Variants in ZNF143 observed in about 807,000 individuals in gnomAD.
The protein encoded by ZNF143 is zinc finger protein 143, also known as SPH-binding factor.
Under a neutral mutation model 74.1 loss-of-function variants are expected in ZNF143, and 49 were observed. The ratio of observed to expected loss-of-function variants is 0.66; its 90% CI spans 0.53 to 0.84. The LOEUF (loss-of-function observed/expected upper bound fraction) is 0.84, where lower values mean the gene tolerates loss of function less well. Ranked by LOEUF, ZNF143 falls within the 40% of genes least tolerant of loss-of-function variation. The probability of loss-of-function intolerance (pLI) is 0.00; values close to 1 mark genes in which losing one functional copy is unlikely to be tolerated. For missense variants in ZNF143, 637 were observed against 793.4 expected (o/e 0.80, Z 2.37); for synonymous variants, 304 against 282.8 (o/e 1.07, Z -0.75).
intron 14 of ZNF143, among the ~76,000 whole-genome samples, chr11:9,517,563 C>T (rs1848767845): frequency 6.6e-6 from 1 of 152,206 alleles, no homozygotes; most frequent in South Asian, 2.1e-4. Flanking sequence ...AGTGCCTCTT[C>T]TCCTTCAGCA....
chr11:9,496,237 G>T, intron 8 of ZNF143, 66 bp from the exon 9 acceptor site: 1 of 1,432,156 alleles, frequency 7.0e-7, no homozygotes, highest in African/African-American at 1.4e-5. Flanking sequence ...AAGTAGTTCT[G>T]TGTTGCAACC....
chr11:9,513,109 T>C (rs748307226), intron 13 of ZNF143, among the ~76,000 whole-genome samples: 1 of 152,218 alleles, frequency 6.6e-6, no homozygotes, highest in Non-Finnish European at 1.5e-5. Context: ...GCCAAACTTG[T>C]TATTATTTTC....
chr11:9,503,245 T>A (rs567020048), intron 11 of ZNF143, among the ~76,000 whole-genome samples: 181 of 152,328 alleles, frequency 1.2e-3, no homozygotes, highest in African/African-American at 3.7e-3. Context: ...TATTCACCAG[T>A]TGTTTTCACT....
Position 9,509,970 on chromosome 11 carries a change from TAAG to T in ZNF143, c.1375+1129_1375+1131del, listed in dbSNP as rs1305999134. Among the ~76,000 whole-genome samples the T allele has an allele frequency of 4.6e-5, 7 of 152,170 alleles. 1 individual carries two copies. Among genetic ancestry groups the T allele is most frequent in the Admixed American group, 4.6e-4 (7 of 15,274 alleles). On this transcript the variant is annotated intron_variant, in intron 12 of 15. Transcript: ENST00000396602. ...CAATTGCTAAGAGAAAGGAAGTAAA[TAAG>T]AAGATCCTACAACAACTGCTGAGTC...
chr11:9,463,087 G>C (rs1344962414), intron 1 of ZNF143, among the ~76,000 whole-genome samples: 2 of 152,010 alleles, frequency 1.3e-5, no homozygotes, highest in Admixed American at 6.6e-5. Context: ...CTTGTCCAGG[G>C]TCATTTATGT....
At chr11:9,478,319 C>A in intron 5 of ZNF143, 71 bp from the exon 6 acceptor site, 1 of 1,515,172 alleles carries the variant, frequency 6.6e-7, no homozygotes, top group Non-Finnish European at 9.0e-7. Flanking sequence ...TCATTTCTCT[C>A]TTCCTTTAAA....
intron 13 of ZNF143, among the ~76,000 whole-genome samples, chr11:9,513,853 A>G (rs1408868279): frequency 2.0e-5 from 3 of 152,032 alleles, no homozygotes; most frequent in African/African-American, 7.3e-5. Flanking sequence ...GTGCCACTAC[A>G]CTCCGGCCTG....
chr11:9,495,680 ATCCTAAGAGTTATC>A (rs1847934159), intron 8 of ZNF143, among the ~76,000 whole-genome samples: 2 of 152,194 alleles, frequency 1.3e-5, no homozygotes, highest in African/African-American at 4.8e-5. Flanking sequence ...ATAAAATTGG[ATCCTAAGAGTTATC>A]TCCCTCTCAG....
chr11:9,497,854 G>C, intron 10 of ZNF143, 54 bp downstream of exon 10: 1 of 1,299,240 alleles, frequency 7.7e-7, no homozygotes, highest in South Asian at 1.4e-5. Flanking sequence ...TTTTTGAGAC[G>C]GAGTCTCGCT....
At chr11:9,467,812 C>T (rs1167554626) in intron 1 of ZNF143, among the ~76,000 whole-genome samples, 1 of 141,310 alleles carries the variant, frequency 7.1e-6, no homozygotes, top group African/African-American at 2.6e-5. Context: ...CCACTGCACT[C>T]TGGCCTGGGC....
intron 14 of ZNF143, among the ~76,000 whole-genome samples, chr11:9,520,076 G>A (rs1044062031): frequency 3.4e-5 from 4 of 118,428 alleles, no homozygotes; most frequent in African/African-American, 1.0e-4. Context: ...TCCCTCTGTC[G>A]CCCAGACTGC....
At chr11:9,512,929 A>G (rs977454281) in intron 13 of ZNF143, among the ~76,000 whole-genome samples, 13 of 152,216 alleles carry the variant, frequency 8.5e-5, no homozygotes, top group African/African-American at 3.1e-4. Context: ...GATTAGATGC[A>G]GGAGGTGAGA....
rs1304899968 is a variant in ZNF143, at chr11:9,494,774, A to T, written c.765+9A>T. ...CAGCTCATCATCTCAAGGTATATAT[A>T]AAAGAAATGTTCTATCTAGTTATGA... On this transcript the variant is annotated intron_variant, in intron 8 of 15. Coordinates refer to ENST00000396602, the MANE Select transcript of ZNF143 (RefSeq NM_003442.6). 6.2e-7 allele frequency: 1 copy of T among 1,602,600 alleles called. No homozygotes were observed. The highest frequency in any genetic ancestry group is 1.3e-5 in the African/African-American group (1 of 74,646).
chr11:9,474,041 A>G lies in ZNF143; in HGVS notation c.289+17A>G. The G allele has an allele frequency of 6.3e-7, 1 of 1,581,286 alleles. No individual in the cohort carries two copies. Among genetic ancestry groups the G allele is most frequent in the South Asian group, 1.1e-5 (1 of 90,368 alleles). ...CTAAAAGTAGTAAGTATTTAAGATA[A>G]CAGCACGGGAAACCATTTTAATTCT... On this transcript the variant is annotated intron_variant, in intron 4 of 15. Coordinates refer to ENST00000396602, the MANE Select transcript of ZNF143 (RefSeq NM_003442.6).
At chr11:9,502,566 C>A (rs1848205318) in intron 11 of ZNF143, among the ~76,000 whole-genome samples, 1 of 148,408 alleles carries the variant, frequency 6.7e-6, no homozygotes. Flanking sequence ...GTTGAGATCG[C>A]ACCACTGCAC....
intron 12 of ZNF143, among the ~76,000 whole-genome samples, chr11:9,509,839 A>G (rs1028405777): frequency 8.5e-5 from 13 of 152,222 alleles, no homozygotes; most frequent in African/African-American, 2.2e-4. Context: ...TATTACATCA[A>G]TTGGGGAGAT....
chr11:9,483,311 T>TTTTTTTTTTTG (rs1220341466), intron 7 of ZNF143, among the ~76,000 whole-genome samples: 1 of 139,520 alleles, frequency 7.2e-6, no homozygotes. Context: ...TTTTTTTTTT[T>TTTTTTTTTTTG]TTTGGAGACG....
chr11:9,476,005 A>G (rs1015690579), intron 5 of ZNF143, among the ~76,000 whole-genome samples: 1 of 151,902 alleles, frequency 6.6e-6, no homozygotes, highest in Non-Finnish European at 1.5e-5. Context: ...AATTGAAACT[A>G]AGTATACAAT....
At chr11:9,521,570 T>G (rs928181748) in intron 14 of ZNF143, among the ~76,000 whole-genome samples, 1 of 150,972 alleles carries the variant, frequency 6.6e-6, no homozygotes, top group African/African-American at 2.5e-5. Context: ...GGTTTTTTTT[T>G]GTTTTTTTTT....
Sources: gnomAD v4.1 joint callset for allele counts (sites outside exome capture counted in the v4.1 genomes callset) on GRCh38, gnomAD v4.1.1 for gene constraint, MANE v1.5 for transcripts, NCBI Gene and HGNC (gene_info 2026-07-23, HGNC 2026-07-21) for gene names.